SGK2: variants seen among roughly 807,000 people sequenced by gnomAD.
SGK2 encodes the protein serine/threonine-protein kinase Sgk2.
In SGK2, 36 loss-of-function variants were observed where a neutral mutation model predicts 47.5. The observed-to-expected ratio is 0.76, with a 90% CI of 0.58 to 1.00. The LOEUF is 1.00. Ranked by LOEUF, SGK2 falls within the 50% of genes least tolerant of loss-of-function variation. SGK2 has a pLI of 0.00. For missense variants in SGK2, 404 were observed against 467.4 expected, an observed-to-expected ratio of 0.86 and a Z score of 1.25; for synonymous variants, 157 against 181.9, an observed-to-expected ratio of 0.86 and a Z score of 1.10.
chr20:43,563,143 A>AAAAAAAAAAAAG (rs1404711689), intron 1 of SGK2, among the ~76,000 whole-genome samples: 1 of 151,886 alleles, frequency 6.6e-6, no homozygotes, highest in East Asian at 1.9e-4. Flanking sequence ...CTCAAAAAAA[A>AAAAAAAAAAAAG]AAAAAAGAAA....
intron 11 of SGK2, among the ~76,000 whole-genome samples, chr20:43,577,249 G>C (rs1057395620): frequency 2.2e-4 from 33 of 151,654 alleles, no homozygotes; most frequent in African/African-American, 7.3e-4. Flanking sequence ...AGAGTGGCCA[G>C]TTTTAGGGTG....
intron 11 of SGK2, among the ~76,000 whole-genome samples, chr20:43,578,112 G>A (rs996510440): frequency 2.6e-5 from 4 of 152,254 alleles, no homozygotes; most frequent in African/African-American, 9.6e-5. Context: ...TTCAACACAA[G>A]GTAATTTGGA....
chr20:43,562,870 C>T (rs893419237), intron 1 of SGK2, among the ~76,000 whole-genome samples: 17 of 152,058 alleles, frequency 1.1e-4, no homozygotes, highest in Non-Finnish European at 1.5e-4. Context: ...CAGTGGCTCA[C>T]GCCTGTAATC....
intron 1 of SGK2, among the ~76,000 whole-genome samples, chr20:43,564,530 C>A (rs558724277): frequency 2.4e-4 from 37 of 152,294 alleles, no homozygotes; most frequent in Middle Eastern, 3.4e-3. Flanking sequence ...AGAGTAAATT[C>A]ACTGATATAC....
chr20:43,575,747 C>T (rs1980423991), intron 10 of SGK2, among the ~76,000 whole-genome samples: 1 of 152,040 alleles, frequency 6.6e-6, no homozygotes, highest in Non-Finnish European at 1.5e-5. Context: ...AAGGAACAGG[C>T]TCTGTGGATT....
chr20:43,581,222 A>G (rs1227680314), intron 12 of SGK2, among the ~76,000 whole-genome samples: 1 of 151,938 alleles, frequency 6.6e-6, no homozygotes, highest in East Asian at 1.9e-4. Flanking sequence ...TATAGTATCT[A>G]TATGTGTGTG....
At chr20:43,577,071 AG>A (rs1050652254) in intron 11 of SGK2, among the ~76,000 whole-genome samples, 5 of 152,188 alleles carry the variant, frequency 3.3e-5, no homozygotes, top group South Asian at 2.1e-4. Context: ...CAATAATGGG[AG>A]GGGGGGCAAA....
At chr20:43,564,491 G>A (rs931088140) in intron 1 of SGK2, among the ~76,000 whole-genome samples, 3 of 150,870 alleles carry the variant, frequency 2.0e-5, no homozygotes, top group African/African-American at 4.9e-5. Flanking sequence ...GTGCATGCAC[G>A]CGCGCACACA....
Position 43,584,859 on chromosome 20 carries a change from CT to C in SGK2, c.948del (p.Ala317LeufsTer3), listed in dbSNP as rs1446618531. 7 of 1,613,716 alleles carry C rather than the reference CT, an allele frequency of 4.3e-6. No homozygotes were observed. In the African/African-American group the frequency reaches 6.7e-5, roughly 15 times the overall value. On this transcript the variant is annotated frameshift_variant, in exon 13 of 13. Transcript: ENST00000373100. LOFTEE classifies it high-confidence loss of function. ...TPPFNPNVTG[P>X]ADLKHFDPEF... Reference sequence around the variant, plus strand: ...ATTGGCTTTTATTGACAGACAGGACCTGCTGACTTGAAGCATTTTGACCCAG... The same window carrying C: ...ATTGGCTTTTATTGACAGACAGGACCGCTGACTTGAAGCATTTTGACCCAG...
Position 43,576,358 on chromosome 20 carries a change from G to A in SGK2, c.828G>A (p.Arg276=). The change falls in exon 11 of 13, where the codon CGG becomes CGA. Residue 276 remains arginine (R), a synonymous_variant. Transcript: ENST00000373100. ...TTCTCCACAAGGACCAGAGGCAGCG[G>A]CTGGGCTCCAAAGCAGACTTTGTAG... ...QSLLHKDQRQ[R]LGSKADFLEI... is the part of the protein sequence containing the mutation. 2 of 1,614,144 alleles carry A rather than the reference G, an allele frequency of 1.2e-6. No homozygotes were observed. Among genetic ancestry groups the A allele is most frequent in the Non-Finnish European group, 1.7e-6 (2 of 1,180,002 alleles).
At position 43,567,309 on chromosome 20, in the gene SGK2, A is replaced by T. The variant is rs544398819; in HGVS notation, c.86+192A>T. On this transcript the variant is annotated intron_variant, in intron 3 of 12. Coordinates refer to ENST00000373100, the MANE Select transcript of SGK2 (RefSeq NM_170693.3). ...GCCCATGCTGAACCCTCTTCCTGCA[A>T]TGCCACCTAAATGTCTGCATTGTTA... 1.2e-4 allele frequency among the ~76,000 whole-genome samples: 18 copies of T among 152,316 alleles called. No individual in the cohort carries two copies. The South Asian group carries it at 3.3e-3, about 28-fold the overall frequency.
Position 43,572,040 on chromosome 20 carries a change from G to A in SGK2, c.511-11G>A, listed in dbSNP as rs372673095. 14 of 1,546,164 alleles carry A rather than the reference G, an allele frequency of 9.1e-6. No homozygotes were observed. Among genetic ancestry groups the A allele is most frequent in the Middle Eastern group, 2.3e-4 (1 of 4,442 alleles). ...TACCACCCTCCAGCCCATGCCCTCC[G>A]TCATTCTCAGGGACACGTGGTGCTG... On this transcript the variant is annotated splice_polypyrimidine_tract_variant and intron_variant, in intron 8 of 12. Coordinates refer to ENST00000373100, the MANE Select transcript of SGK2 (RefSeq NM_170693.3). This position sits in a 1 kb window ranked among gnomAD's most constrained non-coding sequence, Gnocchi z 4.2.
chr20:43,561,320 C>G (rs182810823), intron 1 of SGK2, among the ~76,000 whole-genome samples: 1 of 151,542 alleles, frequency 6.6e-6, no homozygotes, highest in East Asian at 1.9e-4. Context: ...GGAGTGGAAG[C>G]CAAGGAGGAG....
rs1305958623 is a variant in SGK2, at chr20:43,572,083, C to T, written c.543C>T (p.Cys181=). 3 of 1,549,968 alleles carry T rather than the reference C, an allele frequency of 1.9e-6. No individual in the cohort carries two copies. In the East Asian group the frequency reaches 7.3e-5, roughly 38 times the overall value. ...GHVVLTDFGL[C]KEGVEPEDTT... ...TGGTGCTGACGGATTTTGGCCTCTGCAAGGAAGGTGTAGAGCCTGAAGACA... is the reference window on the plus strand; with the variant it reads ...TGGTGCTGACGGATTTTGGCCTCTGTAAGGAAGGTGTAGAGCCTGAAGACA... Residue 181 remains cysteine, a synonymous_variant, in exon 9 of 13, where the codon TGC becomes TGT. Transcript: ENST00000373100. This position sits in a 1 kb window ranked among gnomAD's most constrained non-coding sequence, Gnocchi z 4.2.
chr20:43,561,537 A>C (rs191568568), intron 1 of SGK2, among the ~76,000 whole-genome samples: 3 of 151,844 alleles, frequency 2.0e-5, no homozygotes, highest in Non-Finnish European at 4.4e-5. Flanking sequence ...CTACAGGCAC[A>C]TATCACCACG....
rs1178926870 is a variant in SGK2 at position 43,576,471 on chromosome 20, C to T, written c.849+92C>T. The T allele has an allele frequency of 8.3e-6, 9 of 1,078,096 alleles. No homozygotes were observed. In the African/African-American group the frequency reaches 1.4e-4, roughly 17 times the overall value. The allele number at this position is 1,078,096 out of a possible 1,614,324, so 66.8% of individuals were successfully genotyped here. On this transcript the variant is annotated intron_variant, in intron 11 of 12. Coordinates refer to ENST00000373100, the MANE Select transcript of SGK2 (RefSeq NM_170693.3). The stretch of plus-strand genomic sequence containing the variant: ...AAGCACATTAACACGCATCCTGCTG[C>T]CTTCTAAAACCAGGCACTGCTCACT...
At chr20:43,574,214 C>T (rs1462964892) in intron 9 of SGK2, among the ~76,000 whole-genome samples, 1 of 152,198 alleles carries the variant, frequency 6.6e-6, no homozygotes, top group East Asian at 1.9e-4. Context: ...TTGCCCCCGA[C>T]TCGGTGGCAG....
chr20:43,561,167 A>T lies in SGK2; in HGVS notation c.-24+2008A>T, dbSNP rs1210898221. On this transcript the variant is annotated intron_variant, in intron 1 of 12. Coordinates refer to ENST00000373100, the MANE Select transcript of SGK2 (RefSeq NM_170693.3). Reference sequence around the variant, plus strand: ...GCAGAAGCCTCTATGACGTTAGTGGAAAACAGCCATGCAGGTGCCTGGGGG... The same window carrying T: ...GCAGAAGCCTCTATGACGTTAGTGGTAAACAGCCATGCAGGTGCCTGGGGG... Among the ~76,000 whole-genome samples, 4 of 152,168 alleles carry T rather than the reference A, an allele frequency of 2.6e-5. No individual in the cohort carries two copies. In the East Asian group the frequency reaches 7.7e-4, roughly 29 times the overall value.
chr20:43,573,785 G>A (rs1046467110), intron 9 of SGK2, among the ~76,000 whole-genome samples: 25 of 152,218 alleles, frequency 1.6e-4, no homozygotes, highest in African/African-American at 6.0e-4. Context: ...GTTTGGGTAT[G>A]GTGGGTGGTG....
Sources: gnomAD v4.1 joint callset for allele counts (sites outside exome capture counted in the v4.1 genomes callset) on GRCh38, gnomAD v4.1.1 for gene constraint, Gnocchi (gnomAD v3.1) non-coding constraint, MANE v1.5 for transcripts, NCBI Gene and HGNC (gene_info 2026-07-23, HGNC 2026-07-21) for gene names.